MAP4K4: variants seen among roughly 807,000 people sequenced by gnomAD.
The protein encoded by MAP4K4 is mitogen-activated protein kinase kinase kinase kinase 4.
In MAP4K4, 38 loss-of-function variants were observed where a neutral mutation model predicts 189.6. The ratio of observed to expected loss-of-function variants is 0.20; its 90% CI spans 0.15 to 0.26. The LOEUF is 0.26. MAP4K4 is among the 10% of genes least tolerant of loss of function. The pLI is 1.00. For missense variants in MAP4K4, 1,054 were observed against 1,726.9 expected, an observed-to-expected ratio of 0.61 and a Z score of 6.91; for synonymous variants, 610 against 624.3, an observed-to-expected ratio of 0.98 and a Z score of 0.34.
At chr2:101,825,570 G>A (rs998816499) in intron 5 of MAP4K4, 141 bp downstream of exon 5, 11 of 482,652 alleles carry the variant, frequency 2.3e-5, no homozygotes, top group Middle Eastern at 5.4e-4. Context: ...TGTATATCTA[G>A]CTAGCTTTGA....
At chr2:101,740,850 C>A (rs1164651055) in intron 2 of MAP4K4, among the ~76,000 whole-genome samples, 1 of 152,148 alleles carries the variant, frequency 6.6e-6, no homozygotes, top group African/African-American at 2.4e-5. Context: ...GCAAAATTCT[C>A]TCCTTAGTCC....
chr2:101,801,414 GT>G (rs2094360910), intron 3 of MAP4K4, among the ~76,000 whole-genome samples: 2 of 152,130 alleles, frequency 1.3e-5, no homozygotes. Context: ...CATAGGCCCT[GT>G]TTACTTCCTC....
intron 9 of MAP4K4, 54 bp downstream of exon 9, chr2:101,836,032 T>C (rs1487056578): frequency 7.6e-7 from 1 of 1,315,652 alleles, no homozygotes; most frequent in East Asian, 2.4e-5. Flanking sequence ...AAATTGCTTC[T>C]TTTTAGTTAT....
chr2:101,876,700 C>T (rs1188190375), intron 26 of MAP4K4, among the ~76,000 whole-genome samples: 1 of 152,100 alleles, frequency 6.6e-6, no homozygotes, highest in Non-Finnish European at 1.5e-5. Flanking sequence ...ATAACATTCT[C>T]GAGGAACTGA....
At chr2:101,776,577 CCCA>C (rs201741471) in intron 2 of MAP4K4, among the ~76,000 whole-genome samples, 3 of 97,530 alleles carry the variant, frequency 3.1e-5, no homozygotes, top group Non-Finnish European at 4.0e-5. Context: ...CCCCCACCCC[CCCA>C]CCCCCCCAAA....
At chr2:101,885,616 T>G (rs1367821630) in intron 29 of MAP4K4, among the ~76,000 whole-genome samples, 1 of 152,210 alleles carries the variant, frequency 6.6e-6, no homozygotes, top group Non-Finnish European at 1.5e-5. Flanking sequence ...GTGTAAAGAT[T>G]TAGATGTGTT....
intron 7 of MAP4K4, among the ~76,000 whole-genome samples, chr2:101,833,886 G>A (rs1219314909): frequency 2.6e-5 from 4 of 152,146 alleles, no homozygotes; most frequent in Non-Finnish European, 5.9e-5. Context: ...ATTTCAATTA[G>A]TGAACCACAT....
At chr2:101,705,644 TA>T (rs1008114157) in intron 2 of MAP4K4, among the ~76,000 whole-genome samples, 7 of 152,252 alleles carry the variant, frequency 4.6e-5, no homozygotes, top group African/African-American at 1.2e-4. Flanking sequence ...GTTTTCTTTT[TA>T]AAAAAGTATA....
chr2:101,815,595 T>G (rs2095665563), intron 3 of MAP4K4, among the ~76,000 whole-genome samples: 1 of 152,234 alleles, frequency 6.6e-6, no homozygotes, highest in South Asian at 2.1e-4. Flanking sequence ...TTCCACACAT[T>G]GTTAATTTTA....
exon 13 of MAP4K4, chr2:101,856,057 AGAG>A (rs1553542594): frequency 6.4e-7 from 1 of 1,551,712 alleles, no homozygotes; most frequent in Non-Finnish European, 8.7e-7. Flanking sequence ...AGAGGCGTCT[AGAG>A]GAGTTGGAGA....
At chr2:101,852,935 A>G (rs997331446) in intron 12 of MAP4K4, among the ~76,000 whole-genome samples, 1 of 152,220 alleles carries the variant, frequency 6.6e-6, no homozygotes. Context: ...AAGCATGCTC[A>G]CTTCACTCAG....
intron 9 of MAP4K4, among the ~76,000 whole-genome samples, chr2:101,837,812 T>C (rs149939843): frequency 6.6e-6 from 1 of 152,348 alleles, no homozygotes; most frequent in Admixed American, 6.5e-5. Flanking sequence ...GCTACAGTTC[T>C]GTATTAACCA....
At position 101,885,164 on chromosome 2, in the gene MAP4K4, CTTTT is replaced by C. The variant is rs1286719487; in HGVS notation, c.3521-20_3521-17del. 5.6e-6 allele frequency: 8 copies of C among 1,435,602 alleles called. No homozygotes were observed. The highest frequency in any genetic ancestry group is 7.7e-6 in the Non-Finnish European group (8 of 1,033,052). 88.9% of individuals were successfully genotyped at this position (1,435,602 alleles called of 1,614,324 possible). On this transcript the variant is annotated intron_variant, in intron 28 of 32. Coordinates refer to ENST00000324219, the Ensembl canonical transcript of MAP4K4. ...TTGATACTGACCTGTGCTTCTCTTG[CTTTT>C]TTATTTGCTGCTTTTCAGTAAAATA...
rs1553478618 is a variant in MAP4K4 at position 101,797,889 on chromosome 2, G to GTGTTTTTTTTTTTTTTTTTTTTTTTTTTT, written c.180+7114_180+7115insGTTTTTTTTTTTTTTTTTTTTTTTTTTTT. Reference sequence around the variant, plus strand: ...TGAAGCTTTTTAAAACATTCTTTTAGTTTTTTTTTTTTTTTTTTTTTGGAG... The same window carrying GTGTTTTTTTTTTTTTTTTTTTTTTTTTTT: ...TGAAGCTTTTTAAAACATTCTTTTAGTGTTTTTTTTTTTTTTTTTTTTTTTTTTTTTTTTTTTTTTTTTTTTTTTTGGAG... On this transcript the variant is annotated intron_variant, in intron 3 of 32. Coordinates refer to ENST00000324219, the Ensembl canonical transcript of MAP4K4. Among the ~76,000 whole-genome samples the GTGTTTTTTTTTTTTTTTTTTTTTTTTTTT allele has an allele frequency of 3.6e-4, 19 of 52,306 alleles. 3 individuals are homozygous for GTGTTTTTTTTTTTTTTTTTTTTTTTTTTT. The highest frequency in any genetic ancestry group is 7.6e-4 in the African/African-American group (10 of 13,140). 34.3% of individuals were successfully genotyped at this position (52,306 alleles called of 152,430 possible). A position where few individuals can be genotyped will look rare whatever the true frequency, so the allele number is the denominator to read the frequency against.
chr2:101,812,316 A>T (rs996550247), intron 3 of MAP4K4, among the ~76,000 whole-genome samples: 4 of 152,164 alleles, frequency 2.6e-5, no homozygotes, highest in Admixed American at 1.3e-4. Flanking sequence ...TGATCACAAG[A>T]CAGGGAGGAC....
chr2:101,884,955 T>A (rs545037888), intron 28 of MAP4K4, among the ~76,000 whole-genome samples: 17 of 152,310 alleles, frequency 1.1e-4, no homozygotes, highest in Admixed American at 3.9e-4. Flanking sequence ...GAATCTATTA[T>A]AAGAAGATTA....
intron 2 of MAP4K4, among the ~76,000 whole-genome samples, chr2:101,766,930 A>G (rs1337515405): frequency 6.6e-6 from 1 of 152,210 alleles, no homozygotes; most frequent in African/African-American, 2.4e-5. Context: ...AGCGGGCTCT[A>G]GCAAGCAGCT....
intron 5 of MAP4K4, among the ~76,000 whole-genome samples, chr2:101,828,079 C>T (rs1333446852): frequency 1.3e-5 from 2 of 152,206 alleles, no homozygotes; most frequent in African/African-American, 4.8e-5. Flanking sequence ...CTGCTAGACA[C>T]ACCTTAATTC....
At chr2:101,760,115 G>T (rs1432979932) in intron 2 of MAP4K4, among the ~76,000 whole-genome samples, 2 of 151,794 alleles carry the variant, frequency 1.3e-5, no homozygotes, top group Non-Finnish European at 2.9e-5. Flanking sequence ...CAAAGTGTTG[G>T]GATCACAGGC....
Sources: allele counts gnomAD v4.1 joint callset (sites outside exome capture counted in the v4.1 genomes callset), GRCh38; gene constraint gnomAD v4.1.1; transcripts MANE v1.5; gene names NCBI Gene and HGNC (gene_info 2026-07-23, HGNC 2026-07-21).